SLIT3: variants seen among roughly 807,000 people sequenced by gnomAD.
The protein encoded by SLIT3 is slit guidance ligand 3, also known as slit homolog 3 protein.
Under a neutral mutation model 184.0 loss-of-function variants are expected in SLIT3, and 68 were observed. The observed-to-expected ratio is 0.37, with a 90% CI of 0.30 to 0.45. The LOEUF (loss-of-function observed/expected upper bound fraction) is 0.45, where lower values mean the gene tolerates loss of function less well. Ranked by LOEUF, SLIT3 falls within the 20% of genes least tolerant of loss-of-function variation. SLIT3 has a pLI of 1.00. For synonymous variants in SLIT3, 831 were observed against 828.6 expected (o/e 1.00, Z -0.05); for missense variants, 1,707 against 2,026.0 (o/e 0.84, Z 3.02).
In SLIT3 at chr5:168,666,444, G is replaced by A. The variant is rs555341889; in HGVS notation, c.*10C>T. ...GGAGTCCGAGAGGTGGCAGGCAGGC[G>A]GGCAGGGGCTTAGGAACACGCGAGG... On this transcript the variant is annotated 3_prime_UTR_variant, in exon 36 of 36. Transcript: ENST00000519560. The A allele has an allele frequency of 2.5e-5, 38 of 1,539,808 alleles. No individual in the cohort carries two copies. The highest frequency in any genetic ancestry group is 5.0e-5 in the South Asian group (4 of 79,842).
chr5:168,993,167 G>A (rs1274223673), intron 4 of SLIT3: 1 of 152,192 alleles, frequency 6.6e-6, no homozygotes, highest in African/African-American at 2.4e-5. Flanking sequence ...TTCCCAAACT[G>A]AAAACACACA....
intron 6 of SLIT3, among the ~76,000 whole-genome samples, chr5:168,842,094 T>C (rs1429265128): frequency 6.6e-6 from 1 of 152,100 alleles, no homozygotes; most frequent in Non-Finnish European, 1.5e-5. Context: ...AATGTCAATG[T>C]GTGGATGAGA....
intron 1 of SLIT3, among the ~76,000 whole-genome samples, chr5:169,275,439 A>G (rs1341573344): frequency 6.6e-6 from 1 of 152,228 alleles, no homozygotes; most frequent in Non-Finnish European, 1.5e-5. Flanking sequence ...GCAGTGTCAG[A>G]GGGCCAGACT....
intron 6 of SLIT3, among the ~76,000 whole-genome samples, chr5:168,838,379 T>C (rs1758123991): frequency 6.6e-6 from 1 of 152,106 alleles, no homozygotes; most frequent in Admixed American, 6.5e-5. Flanking sequence ...TACTGACTTA[T>C]CACAGTACCT....
intron 4 of SLIT3, among the ~76,000 whole-genome samples, chr5:168,907,979 T>TATATATATAGAGAGAGAGAG (rs376418381): frequency 1.2e-4 from 6 of 50,074 alleles, no homozygotes; most frequent in African/African-American, 3.8e-4. Context: ...TATATATATA[T>TATATATATAGAGAGAGAGAG]AGAGAGAGAG....
At chr5:169,251,517 A>G in intron 1 of SLIT3, 58 bp from the exon 2 acceptor site, 2 of 1,155,442 alleles carry the variant, frequency 1.7e-6, no homozygotes, top group Non-Finnish European at 2.6e-6. Context: ...CGGTCTATTT[A>G]ATCCAGACTG....
chr5:168,978,691 G>C (rs1581263655), intron 4 of SLIT3, among the ~76,000 whole-genome samples: 1 of 152,162 alleles, frequency 6.6e-6, no homozygotes, highest in Admixed American at 6.5e-5. Flanking sequence ...CATTATTAGA[G>C]GAGGGATGAC....
intron 5 of SLIT3, among the ~76,000 whole-genome samples, chr5:168,874,572 G>C (rs1759661978): frequency 6.6e-6 from 1 of 152,198 alleles, no homozygotes; most frequent in Admixed American, 6.5e-5. Flanking sequence ...GGTGTTTTAG[G>C]AAATATGCAA....
intron 4 of SLIT3, among the ~76,000 whole-genome samples, chr5:168,967,930 T>C (rs1763269672): frequency 6.6e-6 from 1 of 152,180 alleles, no homozygotes; most frequent in Non-Finnish European, 1.5e-5. Context: ...GACACTCTCG[T>C]ACCTCCTGCT....
intron 4 of SLIT3, among the ~76,000 whole-genome samples, chr5:169,158,658 T>A (rs1762383208): frequency 6.6e-6 from 1 of 152,158 alleles, no homozygotes; most frequent in Admixed American, 6.5e-5. Flanking sequence ...GTAGAAATAT[T>A]TAAGACAATT....
chr5:168,791,561 C>T (rs905260578), intron 10 of SLIT3: 1 of 152,218 alleles, frequency 6.6e-6, no homozygotes, highest in African/African-American at 2.4e-5. Context: ...GATCAAACTC[C>T]TTGTTCTACT....
chr5:168,687,140 C>A (rs41283171), intron 29 of SLIT3, 24 bp from the exon 30 acceptor site: 455 of 1,608,390 alleles, frequency 2.8e-4, no homozygotes, highest in Non-Finnish European at 3.7e-4. Context: ...AGAGGCAAGG[C>A]CGTTCCTCAA....
At chr5:169,033,307 T>C (rs1357408143) in intron 4 of SLIT3, among the ~76,000 whole-genome samples, 1 of 152,202 alleles carries the variant, frequency 6.6e-6, no homozygotes, top group Non-Finnish European at 1.5e-5. Context: ...CTGAATAATA[T>C]TCCAATCTAG....
chr5:169,258,843 G>A (rs1280056147), intron 1 of SLIT3, among the ~76,000 whole-genome samples: 1 of 152,166 alleles, frequency 6.6e-6, no homozygotes, highest in Non-Finnish European at 1.5e-5. Context: ...GGCACATCTG[G>A]GAAGAGCAAG....
intron 4 of SLIT3, among the ~76,000 whole-genome samples, chr5:168,981,310 TG>T (rs1754939316): frequency 6.6e-6 from 1 of 152,258 alleles, no homozygotes; most frequent in African/African-American, 2.4e-5. Context: ...GTTCAGATTT[TG>T]GTAAATGGGG....
Position 168,665,248 on chromosome 5 carries a change from A to AAAGT in SLIT3, c.*1202_*1205dup, listed in dbSNP as rs1213581973. ...AGGGGTTGCATAGATAAAATAAGGT[A>AAAGT]AAGTTTGGATATGCATTGGAAAGTG... On this transcript the variant is annotated 3_prime_UTR_variant, in exon 36 of 36. Transcript: ENST00000519560. The AAAGT allele has an allele frequency of 1.3e-5, 2 of 152,324 alleles. No homozygotes were observed. The highest frequency in any genetic ancestry group is 3.9e-4 in the East Asian group (2 of 5,176). The allele number at this position is 152,324 out of a possible 1,614,324, so 9.4% of individuals were successfully genotyped here. A position where few individuals can be genotyped will look rare whatever the true frequency, so the allele number is the denominator to read the frequency against.
intron 18 of SLIT3, among the ~76,000 whole-genome samples, chr5:168,750,057 C>T (rs932310774): frequency 6.6e-6 from 1 of 152,156 alleles, no homozygotes; most frequent in Admixed American, 6.5e-5. Context: ...ATACTTCAGC[C>T]CTATCATATC....
At chr5:168,877,857 G>A (rs1759791123) in intron 5 of SLIT3, among the ~76,000 whole-genome samples, 1 of 136,404 alleles carries the variant, frequency 7.3e-6, no homozygotes, top group Non-Finnish European at 1.7e-5. Context: ...AGGGCAAGGG[G>A]ACATTTAAAA....
Position 168,686,976 on chromosome 5 carries a change from T to C in SLIT3, c.3314+3A>G. 1 of 1,613,256 alleles carries C rather than the reference T, an allele frequency of 6.2e-7. No homozygotes were observed. The highest frequency in any genetic ancestry group is 1.1e-5 in the South Asian group (1 of 91,058). ...TCCTTCCTGAGGTGCCCTCCTGCCT[T>C]ACCTGAAGCCCTGGGGGCAGGTGCA... On this transcript the variant is annotated splice_donor_region_variant and intron_variant, in intron 30 of 35. Coordinates refer to ENST00000519560, the MANE Select transcript of SLIT3 (RefSeq NM_003062.4).
Sources: gnomAD v4.1 joint callset for allele counts (sites outside exome capture counted in the v4.1 genomes callset) on GRCh38, gnomAD v4.1.1 for gene constraint, MANE v1.5 for transcripts, NCBI Gene and HGNC (gene_info 2026-07-23, HGNC 2026-07-21) for gene names.